Variants in ZNF148 observed in about 807,000 individuals in gnomAD.
ZNF148 encodes the protein zinc finger protein 148, also known as Beta-Enolase Repressor Factor-1.
In ZNF148, 7 loss-of-function variants were observed where a neutral mutation model predicts 67.7. The ratio of observed to expected loss-of-function variants is 0.10; its 90% CI spans 0.06 to 0.19. The LOEUF is 0.19. Among genes scored for constraint, ZNF148 ranks in the 10% least tolerant of loss-of-function variants. The probability of loss-of-function intolerance (pLI) is 1.00; values close to 1 mark genes in which losing one functional copy is unlikely to be tolerated. For synonymous variants in ZNF148, 333 were observed against 330.7 expected, an observed-to-expected ratio of 1.01 and a Z score of -0.08; for missense variants, 583 against 947.1, an observed-to-expected ratio of 0.62 and a Z score of 5.05.
chr3:125,334,391 G>A (rs1041152088), intron 1 of ZNF148, among the ~76,000 whole-genome samples: 21 of 152,126 alleles, frequency 1.4e-4, no homozygotes, highest in African/African-American at 4.8e-4. Flanking sequence ...AAATGTTTGT[G>A]ATAATAATGT....
intron 7 of ZNF148, among the ~76,000 whole-genome samples, chr3:125,246,777 A>C (rs1177092243): frequency 3.9e-5 from 6 of 152,222 alleles, no homozygotes; most frequent in African/African-American, 1.4e-4. Context: ...AAATATCCTT[A>C]AGCTGAACAA....
chr3:125,346,716 T>C (rs552825590), intron 1 of ZNF148, among the ~76,000 whole-genome samples: 18 of 152,268 alleles, frequency 1.2e-4, no homozygotes, highest in South Asian at 4.1e-4. Flanking sequence ...GGTCCTTATC[T>C]CCCCTTCATC....
intron 6 of ZNF148, among the ~76,000 whole-genome samples, chr3:125,278,476 A>C (rs1049388974): frequency 6.6e-6 from 1 of 151,928 alleles, no homozygotes; most frequent in Admixed American, 6.6e-5. Context: ...TAACCCTTAT[A>C]CTCTGCTTTC....
At chr3:125,316,412 G>A (rs534440047) in intron 3 of ZNF148, among the ~76,000 whole-genome samples, 4 of 152,218 alleles carry the variant, frequency 2.6e-5, no homozygotes, top group African/African-American at 7.2e-5. Flanking sequence ...GTTTTTTGAG[G>A]AACCACCAAA....
intron 2 of ZNF148, among the ~76,000 whole-genome samples, chr3:125,324,397 T>TCCCA (rs1406151721): frequency 6.6e-6 from 1 of 152,024 alleles, no homozygotes; most frequent in African/African-American, 2.4e-5. Context: ...TCAGCAAGAT[T>TCCCA]CCCAGCAAGA....
At position 125,342,741 on chromosome 3, in the gene ZNF148, CT is replaced by C. The variant is rs1290901415; in HGVS notation, c.-233-11504del. ...AACGGAAATATAGGTATAAACAAGA[CT>C]TTTTCTTGGTTAGTTTTATAAATCA... On this transcript the variant is annotated intron_variant, in intron 1 of 8. Coordinates refer to ENST00000360647, the MANE Select transcript of ZNF148 (RefSeq NM_021964.3). Among the ~76,000 whole-genome samples the C allele has an allele frequency of 2.6e-5, 4 of 152,192 alleles. No homozygotes were observed. The East Asian group carries it at 7.7e-4, about 29-fold the overall frequency.
chr3:125,316,866 A>T (rs1180134212), intron 3 of ZNF148, among the ~76,000 whole-genome samples: 1 of 152,028 alleles, frequency 6.6e-6, no homozygotes, highest in Non-Finnish European at 1.5e-5. Flanking sequence ...TGATTTTTTT[A>T]AATTAATCTT....
intron 7 of ZNF148, among the ~76,000 whole-genome samples, chr3:125,236,452 T>TTA (rs1284722687): frequency 6.6e-6 from 1 of 152,030 alleles, no homozygotes; most frequent in African/African-American, 2.4e-5. Context: ...TATGAGCTAG[T>TTA]ATGATTTGGA....
intron 7 of ZNF148, among the ~76,000 whole-genome samples, chr3:125,254,780 T>G (rs1936999494): frequency 6.6e-6 from 1 of 152,234 alleles, no homozygotes. Context: ...CATACGGTTC[T>G]GTTTTGATAT....
Position 125,230,433 on chromosome 3 carries a change from T to C in ZNF148, c.*1908A>G, listed in dbSNP as rs1313346804. The C allele has an allele frequency of 1.3e-5, 2 of 152,586 alleles. No homozygotes were observed. Among genetic ancestry groups the C allele is most frequent in the African/African-American group, 4.8e-5 (2 of 41,444 alleles). 9.5% of individuals were successfully genotyped at this position (152,586 alleles called of 1,614,324 possible). A position where few individuals can be genotyped will look rare whatever the true frequency, so the allele number is the denominator to read the frequency against. On this transcript the variant is annotated 3_prime_UTR_variant, in exon 9 of 9. Coordinates refer to ENST00000360647, the MANE Select transcript of ZNF148 (RefSeq NM_021964.3). ...AGAAGTCTTAAATTCTTGAAAACTT[T>C]GGCAGCAAAGAAAGCTGTCAAACGG...
At chr3:125,244,356 A>T (rs1936501574) in intron 7 of ZNF148, among the ~76,000 whole-genome samples, 2 of 152,142 alleles carry the variant, frequency 1.3e-5, no homozygotes, top group Non-Finnish European at 2.9e-5. Context: ...TTGACATACT[A>T]ATCTGATTTT....
intron 1 of ZNF148, among the ~76,000 whole-genome samples, chr3:125,340,984 G>T (rs1158000733): frequency 3.1e-5 from 3 of 95,344 alleles, no homozygotes; most frequent in African/African-American, 1.4e-4. Flanking sequence ...CGAGACTCCG[G>T]CTCAAAAAAA....
intron 7 of ZNF148, among the ~76,000 whole-genome samples, chr3:125,272,113 C>G (rs71325827): frequency 6.6e-6 from 1 of 152,166 alleles, no homozygotes; most frequent in Non-Finnish European, 1.5e-5. Flanking sequence ...ATTACAAAGC[C>G]TAAATCAAAT....
rs1935694901 is a variant in ZNF148 at position 125,227,684 on chromosome 3, C to T, written c.*4657G>A. 1 of 152,514 alleles carries T rather than the reference C, an allele frequency of 6.6e-6. No individual in the cohort carries two copies. Among genetic ancestry groups the T allele is most frequent in the South Asian group, 2.1e-4 (1 of 4,822 alleles). 9.4% of individuals were successfully genotyped at this position (152,514 alleles called of 1,614,324 possible). On this transcript the variant is annotated 3_prime_UTR_variant, in exon 9 of 9. Transcript: ENST00000360647. ...CAAATCCAACAATGAAAAATTTCCC[C>T]CATATTGTTGCAAAATTCTTTCTAC... is the stretch of plus-strand genomic sequence containing the variant.
intron 4 of ZNF148, among the ~76,000 whole-genome samples, chr3:125,307,212 T>C (rs1288356918): frequency 6.6e-6 from 1 of 152,214 alleles, no homozygotes; most frequent in Non-Finnish European, 1.5e-5. Flanking sequence ...AAAATCAGCA[T>C]AATTCACCAT....
chr3:125,288,647 T>G (rs756515215), intron 4 of ZNF148, among the ~76,000 whole-genome samples: 2 of 152,168 alleles, frequency 1.3e-5, no homozygotes, highest in Non-Finnish European at 2.9e-5. Flanking sequence ...TTTAGACTTC[T>G]AGATGGGCTC....
chr3:125,362,798 G>C (rs1464865515), intron 1 of ZNF148, among the ~76,000 whole-genome samples: 1 of 151,990 alleles, frequency 6.6e-6, no homozygotes, highest in Non-Finnish European at 1.5e-5. Flanking sequence ...CAAGCAATAT[G>C]CCCACCTCAG....
intron 7 of ZNF148, among the ~76,000 whole-genome samples, chr3:125,253,759 G>GA (rs1936950044): frequency 6.6e-6 from 1 of 152,108 alleles, no homozygotes; most frequent in Admixed American, 6.5e-5. Context: ...TTTGATACTT[G>GA]AAAAGTTGAT....
At chr3:125,241,317 CTTTT>C (rs1223168147) in intron 7 of ZNF148, among the ~76,000 whole-genome samples, 1 of 136,354 alleles carries the variant, frequency 7.3e-6, no homozygotes. Flanking sequence ...TTCTTTCTTT[CTTTT>C]TTTTTTTTTT....
Sources: allele counts gnomAD v4.1 joint callset (sites outside exome capture counted in the v4.1 genomes callset), GRCh38; gene constraint gnomAD v4.1.1; transcripts MANE v1.5; gene names NCBI Gene and HGNC (gene_info 2026-07-23, HGNC 2026-07-21).